The following FCHO1 variants were observed in gnomAD, a reference collection of about 807,000 sequenced individuals.
FCHO1 encodes the protein F-BAR domain only protein 1.
In FCHO1, 45 loss-of-function variants were observed where a neutral mutation model predicts 114.4. That is an observed-to-expected ratio of 0.39 (90% CI 0.31 to 0.50). FCHO1 has a LOEUF of 0.50. Ranked by LOEUF, FCHO1 falls within the 20% of genes least tolerant of loss-of-function variation. The pLI, the probability that FCHO1 is intolerant of heterozygous loss-of-function variation, is 0.77. For synonymous variants in FCHO1, 480 were observed against 488.9 expected (o/e 0.98, Z 0.24); for missense variants, 1,042 against 1,209.6 (o/e 0.86, Z 2.06).
rs746205875 is a variant in FCHO1 at position 17,778,204 on chromosome 19, G to C, written c.1327G>C (p.Ala443Pro). ...CCTCTTTGGGCCGCCCCTGGAGTCA[G>C]CCTTTGACCACGAAGATTTTACAGG... Reference protein sequence around the residue: ...KNLFGPPLESAFDHEDFTGSS... With the variant: ...KNLFGPPLESPFDHEDFTGSS... Residue 443 changes from alanine (A) to proline (P), a missense_variant, in exon 19 of 29, where the codon GCC (alanine) becomes CCC (proline). Coordinates refer to ENST00000596536, the MANE Select transcript of FCHO1 (RefSeq NM_015122.3). 1.9e-6 allele frequency: 3 copies of C among 1,613,810 alleles called. No homozygotes were observed. The African/African-American group carries it at 4.0e-5, about 22-fold the overall frequency.
chr19:17,764,452 G>T lies in FCHO1; in HGVS notation c.194+3G>T. The T allele has an allele frequency of 6.2e-7, 1 of 1,610,486 alleles. No homozygotes were observed. On this transcript the variant is annotated splice_donor_region_variant and intron_variant, in intron 6 of 28. Transcript: ENST00000596536. ...GCCAGCAACGGGACCCCCATGGGGT[G>T]AGTGGGGTAGGGGTCACCAACATGG...
At chr19:17,785,334 C>T (rs781618562) in intron 26 of FCHO1, among the ~76,000 whole-genome samples, 1 of 152,144 alleles carries the variant, frequency 6.6e-6, no homozygotes, top group Admixed American at 6.6e-5. Flanking sequence ...ATTTTCTCTG[C>T]CTCAGCCTCC....
intron 20 of FCHO1, among the ~76,000 whole-genome samples, chr19:17,780,504 C>A (rs1357266889): frequency 3.3e-5 from 5 of 152,088 alleles, no homozygotes; most frequent in East Asian, 3.9e-4. Context: ...TTCTGCCCCC[C>A]CAGGGGACAT....
intron 6 of FCHO1, among the ~76,000 whole-genome samples, chr19:17,764,753 T>C (rs1221576030): frequency 6.6e-6 from 1 of 152,024 alleles, no homozygotes; most frequent in Non-Finnish European, 1.5e-5. Context: ...CAAAAACATT[T>C]TTTTTCTGAG....
intron 6 of FCHO1, among the ~76,000 whole-genome samples, chr19:17,765,424 C>T (rs2088530199): frequency 6.6e-6 from 1 of 152,070 alleles, no homozygotes; most frequent in Admixed American, 6.6e-5. Flanking sequence ...TTAATCCCAG[C>T]ATTTTGGGAA....
intron 4 of FCHO1, chr19:17,758,919 A>G (rs1401878764): frequency 6.6e-6 from 1 of 152,160 alleles, no homozygotes; most frequent in Non-Finnish European, 1.5e-5. Flanking sequence ...GGCTGCAGTG[A>G]GCCATGATTG....
At chr19:17,755,913 G>A (rs1322927487) in intron 4 of FCHO1, among the ~76,000 whole-genome samples, 3 of 152,146 alleles carry the variant, frequency 2.0e-5, no homozygotes, top group Non-Finnish European at 4.4e-5. Context: ...AGAAAGCCTG[G>A]GCAAAAGACC....
rs1366491834 is a variant in FCHO1, at chr19:17,781,166, C to T, written c.1628-65C>T. ...TCCTAAGATTTTGGCTGAGTTTGTG[C>T]CCCTGGGGAGGCCCCAGAGGCCCCG... On this transcript the variant is annotated intron_variant, in intron 20 of 28. Coordinates refer to ENST00000596536, the MANE Select transcript of FCHO1 (RefSeq NM_015122.3). 3.3e-6 allele frequency: 4 copies of T among 1,196,284 alleles called. No individual in the cohort carries two copies. In the South Asian group the frequency reaches 4.1e-5, roughly 12 times the overall value. 74.1% of individuals were successfully genotyped at this position (1,196,284 alleles called of 1,614,324 possible).
chr19:17,788,086 G>T (rs898738795), intron 28 of FCHO1, among the ~76,000 whole-genome samples, 198 bp from the exon 29 acceptor site: 1 of 151,450 alleles, frequency 6.6e-6, no homozygotes, highest in East Asian at 1.9e-4. Context: ...AGTCCCCCCT[G>T]CCACCCCCTC....
Position 17,784,069 on chromosome 19 carries a change from C to T in FCHO1, c.2094-34C>T, listed in dbSNP as rs265558. The T allele has an allele frequency of 0.34, 547,435 of 1,592,426 alleles. 100,221 individuals are homozygous for T. The highest frequency in any genetic ancestry group is 0.38 in the Non-Finnish European group (443,266 of 1,164,522). On this transcript the variant is annotated intron_variant, in intron 24 of 28. Coordinates refer to ENST00000596536, the MANE Select transcript of FCHO1 (RefSeq NM_015122.3). The surrounding 1 kb of genome is among the most constrained non-coding windows in gnomAD (Gnocchi z 5.3). ...CTGGGAGCCCTGGGAGGGCATGTCC[C>T]GAGGATTGGGGTGATCAGTCCGGGT...
intron 20 of FCHO1, 28 bp downstream of exon 20, chr19:17,778,912 G>A: frequency 2.0e-6 from 3 of 1,510,422 alleles, no homozygotes; most frequent in Non-Finnish European, 2.6e-6. Flanking sequence ...GGGCCTGAGA[G>A]TTGCTGGAAC....
At position 17,771,900 on chromosome 19, in the gene FCHO1, C is replaced by T. The variant is rs146791162; in HGVS notation, c.595-557C>T. Among the ~76,000 whole-genome samples the T allele has an allele frequency of 5.3e-3, 808 of 152,058 alleles. 9 individuals are homozygous for T. Among genetic ancestry groups the T allele is most frequent in the African/African-American group, 0.019 (785 of 41,532 alleles). ...TGATCTCAGCTCACTGCAACCTCCG[C>T]CTCCTGGGCTCAAGTGATTCTCCTG... On this transcript the variant is annotated intron_variant, in intron 9 of 28. Transcript: ENST00000596536.
chr19:17,775,205 TG>T lies in FCHO1; in HGVS notation c.945+130del. 4 of 1,129,510 alleles carry T rather than the reference TG, an allele frequency of 3.5e-6. No homozygotes were observed. The highest frequency in any genetic ancestry group is 3.8e-6 in the Non-Finnish European group (3 of 783,314). The allele number at this position is 1,129,510 out of a possible 1,614,324, so 70.0% of individuals were successfully genotyped here. On this transcript the variant is annotated intron_variant, in intron 14 of 28. Coordinates refer to ENST00000596536, the MANE Select transcript of FCHO1 (RefSeq NM_015122.3). The surrounding 1 kb of genome is among the most constrained non-coding windows in gnomAD (Gnocchi z 5.1). ...CGAGATTGAGGGGCGGGCTGGAGCC[TG>T]GGGGCTGGGTTCATATCCCACCTCA... is the stretch of plus-strand genomic sequence containing the variant.
In FCHO1 at chr19:17,774,219, G is replaced by A. The variant is rs1049112638; in HGVS notation, c.791-20G>A. On this transcript the variant is annotated intron_variant, in intron 11 of 28. Transcript: ENST00000596536. ...CCACCGTGCCCAGCCCCTCAATTGA[G>A]TTTCCGTCTCCTGTCTCAGGACCTC... 12 of 1,613,602 alleles carry A rather than the reference G, an allele frequency of 7.4e-6. No homozygotes were observed. Among genetic ancestry groups the A allele is most frequent in the Non-Finnish European group, 8.5e-6 (10 of 1,179,856 alleles).
At chr19:17,751,373 G>T (rs1474983351), upstream of FCHO1, 1 of 152,378 alleles carries the variant, frequency 6.6e-6, no homozygotes, top group East Asian at 1.9e-4. The surrounding 1 kb of genome is among the most constrained non-coding windows in gnomAD (Gnocchi z 4.4). Flanking sequence ...GGCCTGTGTG[G>T]TTCCAGGGAG....
In FCHO1 at chr19:17,755,119, C is replaced by A; in HGVS notation, c.-46C>A. On this transcript the variant is annotated splice_region_variant and 5_prime_UTR_variant, in exon 4 of 29. Transcript: ENST00000596536. ...GCTCAAACTTGCCTCTCTCTTCAGACAGGCACTGGACGGGGCCTGCAGGGG... is the reference window on the plus strand; with the variant it reads ...GCTCAAACTTGCCTCTCTCTTCAGAAAGGCACTGGACGGGGCCTGCAGGGG... 1 of 1,598,126 alleles carries A rather than the reference C, an allele frequency of 6.3e-7. No homozygotes were observed. The highest frequency in any genetic ancestry group is 8.6e-7 in the Non-Finnish European group (1 of 1,165,464).
At chr19:17,762,293 C>CT (rs10666882) in intron 4 of FCHO1, among the ~76,000 whole-genome samples, 9,294 of 146,734 alleles carry the variant, frequency 0.063, 873 homozygotes, top group African/African-American at 0.21. Context: ...GCTCAACACA[C>CT]TTTTTTTTTT....
chr19:17,784,168 C>A lies in FCHO1; in HGVS notation c.2159C>A (p.Ala720Asp). ...FWLNMAALTEALQRQAEQNPT... is the reference protein window; with the variant it reads ...FWLNMAALTEDLQRQAEQNPT... The stretch of plus-strand genomic sequence containing the variant: ...CTCAACATGGCAGCTCTGACCGAAG[C>A]CCTGCAGCGCCAGGCAGAGCAGAAC... Residue 720 changes from alanine (A) to aspartate (D), a missense_variant, in exon 25 of 29, where the codon GCC becomes GAC. Ala to Asp is a moderately radical substitution (Grantham distance 126). Transcript: ENST00000596536. This position sits in a 1 kb window ranked among gnomAD's most constrained non-coding sequence, Gnocchi z 5.3. 2 of 1,614,072 alleles carry A rather than the reference C, an allele frequency of 1.2e-6. No homozygotes were observed. The highest frequency in any genetic ancestry group is 1.7e-6 in the Non-Finnish European group (2 of 1,180,018).
At position 17,774,403 on chromosome 19, in the gene FCHO1, G is replaced by C. The variant is rs777331288; in HGVS notation, c.845G>C (p.Arg282Pro). The change falls in exon 13 of 29, where the codon CGT becomes CCT. Residue 282 changes from arginine to proline, a missense_variant. By Grantham distance (103) the Arg-to-Pro change is moderately radical (BLOSUM62 -2). This residue lies in a region of FCHO1 where 450 missense variants were observed against 564.1 expected (regional missense o/e 0.80). Coordinates refer to ENST00000596536, the MANE Select transcript of FCHO1 (RefSeq NM_015122.3). ...CCCAATCTATCCTCAGCGATGAAAC[G>C]TTTGCGGGGAGCCAAGGCCTTTCGC... ...SAAALQEAMK[R>P]LRGAKAFRLP... 1 of 1,614,038 alleles carries C rather than the reference G, an allele frequency of 6.2e-7. No homozygotes were observed. Among genetic ancestry groups the C allele is most frequent in the Admixed American group, 1.7e-5 (1 of 60,008 alleles).
Sources: allele counts gnomAD v4.1 joint callset (sites outside exome capture counted in the v4.1 genomes callset), GRCh38; gene constraint gnomAD v4.1.1; regional missense constraint gnomAD v4.1.1; non-coding constraint Gnocchi (gnomAD v3.1); transcripts MANE v1.5; gene names NCBI Gene and HGNC (gene_info 2026-07-23, HGNC 2026-07-21).